The following CTNNA3 variants were observed in gnomAD, a reference collection of about 807,000 sequenced individuals.
CTNNA3 encodes the protein catenin alpha 3.
Under a neutral mutation model 95.7 loss-of-function variants are expected in CTNNA3, and 76 were observed. The observed-to-expected ratio is 0.79, with a 90% confidence interval of 0.66 to 0.96. The LOEUF is 0.96. Ranked by LOEUF, CTNNA3 falls within the 40% of genes least tolerant of loss-of-function variation. The pLI is 0.00. For missense variants in CTNNA3, 1,191 were observed against 1,089.8 expected (o/e 1.09, Z -1.31); for synonymous variants, 431 against 374.4 (o/e 1.15, Z -1.74).
intron 1 of CTNNA3, among the ~76,000 whole-genome samples, chr10:67,705,601 G>T (rs1437528886): frequency 2.2e-5 from 3 of 139,426 alleles, no homozygotes; most frequent in Non-Finnish European, 3.1e-5. Flanking sequence ...ACACAGGAGG[G>T]GGACCATCAC....
chr10:67,078,389 G>C lies in CTNNA3; in HGVS notation c.1047+101928C>G, dbSNP rs1306539819. Among the ~76,000 whole-genome samples the C allele has an allele frequency of 3.9e-5, 6 of 152,084 alleles. No individual in the cohort carries two copies. The South Asian group carries it at 1.2e-3, about 32-fold the overall frequency. Reference sequence around the variant, plus strand: ...GAATATTTGTTCTGTAAGGAAATGAGAAAGAAAATGATCAGAAAGAAAAAT... The same window carrying C: ...GAATATTTGTTCTGTAAGGAAATGACAAAGAAAATGATCAGAAAGAAAAAT... On this transcript the variant is annotated intron_variant, in intron 7 of 17. Coordinates refer to ENST00000433211, the MANE Select transcript of CTNNA3 (RefSeq NM_013266.4).
intron 7 of CTNNA3, among the ~76,000 whole-genome samples, chr10:66,821,885 G>T (rs1232679552): frequency 1.3e-5 from 2 of 152,106 alleles, no homozygotes; most frequent in Non-Finnish European, 2.9e-5. Context: ...CACAGCACTG[G>T]AGCACACAGA....
At chr10:65,984,386 A>G (rs2078382891) in intron 16 of CTNNA3, among the ~76,000 whole-genome samples, 1 of 151,436 alleles carries the variant, frequency 6.6e-6, no homozygotes, top group African/African-American at 2.4e-5. Flanking sequence ...CAGTTTCTTC[A>G]TTCTCAGTTT....
chr10:66,713,075 C>A (rs1035863313), intron 9 of CTNNA3, among the ~76,000 whole-genome samples: 5 of 152,034 alleles, frequency 3.3e-5, no homozygotes, highest in African/African-American at 1.2e-4. Flanking sequence ...TCTCTGAAAC[C>A]CTCAAGGTAA....
At chr10:66,764,416 T>C (rs1321791948) in intron 9 of CTNNA3, among the ~76,000 whole-genome samples, 2 of 152,184 alleles carry the variant, frequency 1.3e-5, no homozygotes, top group Non-Finnish European at 2.9e-5. Context: ...TTAATTTGTT[T>C]AAACTAAATT....
intron 7 of CTNNA3, among the ~76,000 whole-genome samples, chr10:66,835,865 AC>A (rs911172299): frequency 6.6e-6 from 1 of 152,094 alleles, no homozygotes; most frequent in Non-Finnish European, 1.5e-5. Context: ...CCTGAGACCC[AC>A]CCCAAGAGGG....
At chr10:66,904,683 C>A (rs531367796) in intron 7 of CTNNA3, among the ~76,000 whole-genome samples, 50 of 152,212 alleles carry the variant, frequency 3.3e-4, no homozygotes, top group African/African-American at 1.2e-3. Flanking sequence ...AAAAAACAAA[C>A]AACCCCATCA....
chr10:67,416,872 G>A (rs1338168927), intron 5 of CTNNA3, among the ~76,000 whole-genome samples: 2 of 152,114 alleles, frequency 1.3e-5, no homozygotes, highest in Non-Finnish European at 2.9e-5. Flanking sequence ...CGGCCACTGT[G>A]GAAAGCAGTC....
chr10:67,675,158 G>C (rs1840512916), intron 1 of CTNNA3, among the ~76,000 whole-genome samples: 1 of 151,854 alleles, frequency 6.6e-6, no homozygotes, highest in African/African-American at 2.4e-5. Flanking sequence ...GACCCTATTG[G>C]ATTGTTCGTT....
At chr10:66,093,376 G>T (rs1564635424) in intron 14 of CTNNA3, among the ~76,000 whole-genome samples, 2 of 152,002 alleles carry the variant, frequency 1.3e-5, no homozygotes, top group Non-Finnish European at 2.9e-5. Context: ...CAGCTTTTCA[G>T]CAGAAGTTTT....
intron 8 of CTNNA3, among the ~76,000 whole-genome samples, chr10:66,769,227 G>C (rs764654340): frequency 4.6e-5 from 7 of 152,178 alleles, no homozygotes; most frequent in African/African-American, 7.2e-5. Flanking sequence ...GCCAACTTTT[G>C]TCATCTTTTC....
chr10:67,584,169 C>T (rs1842532479), intron 3 of CTNNA3, among the ~76,000 whole-genome samples: 1 of 152,182 alleles, frequency 6.6e-6, no homozygotes, highest in Non-Finnish European at 1.5e-5. Flanking sequence ...TTCAGCTTTT[C>T]TGCTCTGGTT....
At chr10:67,040,677 A>G (rs1027749574) in intron 7 of CTNNA3, among the ~76,000 whole-genome samples, 3 of 152,134 alleles carry the variant, frequency 2.0e-5, no homozygotes, top group African/African-American at 7.2e-5. Flanking sequence ...TGGTGATGCA[A>G]ATTAAAACCC....
intron 7 of CTNNA3, among the ~76,000 whole-genome samples, chr10:66,922,657 C>T (rs1203012822): frequency 6.6e-6 from 1 of 152,158 alleles, no homozygotes; most frequent in African/African-American, 2.4e-5. Flanking sequence ...AGAGTGGCTA[C>T]TGATTACTGT....
intron 7 of CTNNA3, among the ~76,000 whole-genome samples, chr10:66,874,696 T>C (rs957880538): frequency 3.3e-5 from 5 of 152,238 alleles, no homozygotes; most frequent in African/African-American, 7.2e-5. Context: ...CATCCTGGTA[T>C]ATACCAATCT....
chr10:66,238,378 G>A (rs75979735), intron 13 of CTNNA3, among the ~76,000 whole-genome samples: 3,676 of 151,874 alleles, frequency 0.024, 96 homozygotes, highest in African/African-American at 0.066. Flanking sequence ...TTTTAGACAC[G>A]TTTATTTTAT....
At chr10:66,126,119 C>T (rs1420021309) in intron 13 of CTNNA3, among the ~76,000 whole-genome samples, 1 of 152,152 alleles carries the variant, frequency 6.6e-6, no homozygotes, top group Non-Finnish European at 1.5e-5. Flanking sequence ...GGAAAAGTTG[C>T]TGATCTAATA....
chr10:66,196,447 A>G (rs542488456), intron 13 of CTNNA3, among the ~76,000 whole-genome samples: 1 of 152,314 alleles, frequency 6.6e-6, no homozygotes, highest in South Asian at 2.1e-4. Flanking sequence ...GCCATAGAGG[A>G]CATCACGTCT....
intron 3 of CTNNA3, among the ~76,000 whole-genome samples, chr10:67,540,484 C>G (rs1253746580): frequency 6.6e-6 from 1 of 151,852 alleles, no homozygotes; most frequent in Non-Finnish European, 1.5e-5. Context: ...TTAAAAGTCT[C>G]CAAACTAATC....
Sources: gnomAD v4.1 joint callset for allele counts (sites outside exome capture counted in the v4.1 genomes callset) on GRCh38, gnomAD v4.1.1 for gene constraint, MANE v1.5 for transcripts, NCBI Gene and HGNC (gene_info 2026-07-23, HGNC 2026-07-21) for gene names.